Variants in EZH1 observed in about 807,000 individuals in gnomAD.
The protein encoded by EZH1 is histone-lysine N-methyltransferase EZH1.
In EZH1, 33 loss-of-function variants were observed where a neutral mutation model predicts 100.5. That is an observed-to-expected ratio of 0.33 (90% CI 0.25 to 0.44). The LOEUF (loss-of-function observed/expected upper bound fraction) is 0.44. Among genes scored for constraint, EZH1 ranks in the 20% least tolerant of loss-of-function variants. The pLI is 1.00. For synonymous variants in EZH1, 272 were observed against 313.8 expected (o/e 0.87, Z 1.41); for missense variants, 475 against 928.4 (o/e 0.51, Z 6.35).
chr17:42,737,380 C>A (rs550827371), intron 1 of EZH1, among the ~76,000 whole-genome samples: 2 of 152,302 alleles, frequency 1.3e-5, no homozygotes, highest in South Asian at 4.1e-4. Context: ...GCAGGTGGAT[C>A]TCTTGGGCCC....
intron 10 of EZH1, among the ~76,000 whole-genome samples, chr17:42,715,155 A>G (rs898574664): frequency 1.4e-5 from 2 of 139,888 alleles, no homozygotes; most frequent in Non-Finnish European, 1.5e-5. Flanking sequence ...TATATATTAT[A>G]GATTATATGT....
intron 12 of EZH1, among the ~76,000 whole-genome samples, chr17:42,711,310 T>C (rs564369056): frequency 2.0e-5 from 3 of 151,944 alleles, no homozygotes; most frequent in Admixed American, 1.3e-4. Flanking sequence ...CCCGTCTCTA[T>C]TACAAATACA....
At chr17:42,722,317 TAAAAAAAAAATA>T (rs1270610564) in intron 6 of EZH1, among the ~76,000 whole-genome samples, 1 of 140,706 alleles carries the variant, frequency 7.1e-6, no homozygotes, top group Non-Finnish European at 1.6e-5. Context: ...TCCCTGTCTC[TAAAAAAAAAATA>T]AAAAAAAAAA....
chr17:42,726,856 A>T (rs1247413203), intron 4 of EZH1, among the ~76,000 whole-genome samples: 1 of 150,076 alleles, frequency 6.7e-6, no homozygotes, highest in Non-Finnish European at 1.5e-5. Context: ...TTTATTATTT[A>T]TTATTTTTTT....
intron 6 of EZH1, among the ~76,000 whole-genome samples, chr17:42,722,571 G>A (rs533934561): frequency 4.8e-5 from 7 of 145,204 alleles, no homozygotes; most frequent in Admixed American, 1.4e-4. Flanking sequence ...ATTGCAGTGA[G>A]CCTAGATTAC....
intron 13 of EZH1, chr17:42,709,590 T>C (rs1358735228): frequency 2.3e-5 from 9 of 394,236 alleles, no homozygotes; most frequent in Admixed American, 3.9e-5. Flanking sequence ...GCTCATGTCC[T>C]ATTGGCCAGA....
chr17:42,729,595 C>T (rs900672803), intron 2 of EZH1, among the ~76,000 whole-genome samples: 5 of 144,744 alleles, frequency 3.5e-5, no homozygotes, highest in South Asian at 4.4e-4. Context: ...AAAAATTAGT[C>T]GGGCATGGTG....
intron 1 of EZH1, among the ~76,000 whole-genome samples, chr17:42,744,324 C>T (rs1360196780): frequency 6.6e-6 from 1 of 152,134 alleles, no homozygotes; most frequent in Non-Finnish European, 1.5e-5. Context: ...TCATTTGATC[C>T]TCGGTTGAAT....
At chr17:42,716,652 A>C (rs941166598) in intron 10 of EZH1, among the ~76,000 whole-genome samples, 1 of 152,158 alleles carries the variant, frequency 6.6e-6, no homozygotes, top group Admixed American at 6.5e-5. Context: ...TGGTATGTTG[A>C]CATAACATGG....
intron 10 of EZH1, chr17:42,714,539 G>C (rs936202568): frequency 3.5e-6 from 1 of 282,548 alleles, no homozygotes; most frequent in African/African-American, 2.2e-5. Flanking sequence ...TGGTGGATCC[G>C]TGTGTGCTGA....
At chr17:42,725,987 T>C (rs2053811668) in intron 4 of EZH1, among the ~76,000 whole-genome samples, 1 of 151,592 alleles carries the variant, frequency 6.6e-6, no homozygotes, top group Non-Finnish European at 1.5e-5. Flanking sequence ...CAAGCAATTC[T>C]CCTGCCTCAG....
chr17:42,722,711 A>G (rs1392115355), intron 6 of EZH1, 84 bp downstream of exon 6: 5 of 1,436,246 alleles, frequency 3.5e-6, no homozygotes, highest in Admixed American at 2.0e-5. Flanking sequence ...GGCAGAAGAT[A>G]AAAGCAAGAT....
Position 42,706,238 on chromosome 17 carries a change from C to T in EZH1, c.1661-53G>A, listed in dbSNP as rs1009344298. 21 of 1,490,712 alleles carry T rather than the reference C, an allele frequency of 1.4e-5. No individual in the cohort carries two copies. The highest frequency in any genetic ancestry group is 1.9e-5 in the Non-Finnish European group (21 of 1,105,176). 92.3% of individuals were successfully genotyped at this position (1,490,712 alleles called of 1,614,324 possible). ...GAAGGGAAATAAGCTAATACTGGGG[C>T]TTGTGGTTGACTCAAGGGACAGCAA... On this transcript the variant is annotated intron_variant, in intron 15 of 20. Coordinates refer to ENST00000428826, the MANE Select transcript of EZH1 (RefSeq NM_001991.5). The surrounding 1 kb of genome is among the most constrained non-coding windows in gnomAD (Gnocchi z 4.4).
At chr17:42,740,134 A>G (rs1262745908) in intron 1 of EZH1, among the ~76,000 whole-genome samples, 1 of 151,160 alleles carries the variant, frequency 6.6e-6, no homozygotes, top group East Asian at 1.9e-4. Context: ...CTGCACTTCG[A>G]CCTCCCAGGC....
At chr17:42,702,702 C>T (rs2053268782) in intron 20 of EZH1, 110 bp from the exon 21 acceptor site, 2 of 1,306,000 alleles carry the variant, frequency 1.5e-6, no homozygotes, top group East Asian at 2.3e-5. Flanking sequence ...GGGCTGTTTA[C>T]AATGGTCCCA....
chr17:42,713,000 T>C (rs1436887408), intron 11 of EZH1, among the ~76,000 whole-genome samples: 4 of 127,234 alleles, frequency 3.1e-5, no homozygotes, highest in Non-Finnish European at 4.7e-5. Context: ...ATAGCACCAC[T>C]GCACTCCAGC....
In EZH1 at chr17:42,724,373, T is replaced by C. The variant is rs369111500; in HGVS notation, c.298A>G (p.Arg100Gly). 2.5e-6 allele frequency: 4 copies of C among 1,614,080 alleles called. No homozygotes were observed. In the Admixed American group the frequency reaches 6.7e-5, roughly 27 times the overall value. The change falls in exon 5 of 21, where the codon AGG becomes GGG. Residue 100 changes from arginine to glycine, a missense_variant. By Grantham distance (125) the Arg-to-Gly change is moderately radical (BLOSUM62 -2). Around this residue, in one of 8 missense-constraint regions of EZH1, gnomAD observed 105 missense variants for 129.8 expected, o/e 0.81. Transcript: ENST00000428826. ...ACCAATGCAACTGTGTTCAGTGACC[T>C]CATTAACATATGTTGGCTTGCAAAT... The part of the protein sequence containing the change: ...PGFASQHMLM[R>G]SLNTVALVPI...
chr17:42,706,060 C>T lies in EZH1; in HGVS notation c.1786G>A (p.Asp596Asn), dbSNP rs917276552. Residue 596 changes from aspartate (D) to asparagine (N), a missense_variant, in exon 16 of 21, where the codon GAC becomes AAC. Transcript: ENST00000428826. The surrounding 1 kb of genome is among the most constrained non-coding windows in gnomAD (Gnocchi z 4.4). ...CLTCGASEHW[D>N]CKVVSCKNCS... is the part of the protein sequence containing the mutation. Reference sequence around the variant, plus strand: ...TTTTTACAGGAAACCACCTTGCAGTCCCAGTGCTCTGAGGCCCCACAGGTG... The same window carrying T: ...TTTTTACAGGAAACCACCTTGCAGTTCCAGTGCTCTGAGGCCCCACAGGTG... The T allele has an allele frequency of 2.5e-6, 4 of 1,614,072 alleles. No individual in the cohort carries two copies. Among genetic ancestry groups the T allele is most frequent in the Non-Finnish European group, 3.4e-6 (4 of 1,179,996 alleles).
intron 4 of EZH1, 47 bp from the exon 5 acceptor site, chr17:42,724,471 C>T (rs776507602): frequency 1.3e-6 from 2 of 1,599,838 alleles, no homozygotes; most frequent in East Asian, 2.3e-5. Context: ...GGCATATAAC[C>T]CAAGAAAGAA....
Sources: gnomAD v4.1 joint callset for allele counts (sites outside exome capture counted in the v4.1 genomes callset) on GRCh38, gnomAD v4.1.1 for gene constraint, gnomAD v4.1.1 regional missense constraint, Gnocchi (gnomAD v3.1) non-coding constraint, MANE v1.5 for transcripts, NCBI Gene and HGNC (gene_info 2026-07-23, HGNC 2026-07-21) for gene names.